Variants in EDEM2 observed in about 807,000 individuals in gnomAD.
EDEM2 encodes ER degradation enhancing alpha-mannosidase like protein 2.
A neutral mutation model predicts 64.8 loss-of-function variants in EDEM2; 39 were observed. The observed-to-expected ratio is 0.60, with a 90% CI of 0.47 to 0.79. The LOEUF (loss-of-function observed/expected upper bound fraction) is 0.79. Ranked by LOEUF, EDEM2 falls within the 30% of genes least tolerant of loss-of-function variation. The pLI, the probability that EDEM2 is intolerant of heterozygous loss-of-function variation, is 0.00. For synonymous variants in EDEM2, 296 were observed against 291.5 expected (o/e 1.02, Z -0.16); for missense variants, 609 against 731.3 (o/e 0.83, Z 1.93).
rs1281728890 is a variant in EDEM2 at position 35,115,423 on chromosome 20, T to C, written c.*10A>G. 1.0e-5 allele frequency: 16 copies of C among 1,587,742 alleles called. No individual in the cohort carries two copies. The highest frequency in any genetic ancestry group is 5.7e-5 in the South Asian group (5 of 87,134). The stretch of plus-strand genomic sequence containing the variant: ...CTCAAAAAAATAAAAATAAAAAAAT[T>C]ATCCAGTGGTTATGAGGAGTCTAGG... On this transcript the variant is annotated 3_prime_UTR_variant, in exon 11 of 11. Coordinates refer to ENST00000374492, the MANE Select transcript of EDEM2 (RefSeq NM_018217.3).
intron 9 of EDEM2, among the ~76,000 whole-genome samples, chr20:35,120,413 C>T (rs2085354197): frequency 6.6e-6 from 1 of 151,980 alleles, no homozygotes; most frequent in Non-Finnish European, 1.5e-5. Context: ...CCAGTTCTCT[C>T]TTACTTCCTC....
At chr20:35,141,253 T>G (rs1475032345) in intron 4 of EDEM2, among the ~76,000 whole-genome samples, 1 of 150,980 alleles carries the variant, frequency 6.6e-6, no homozygotes, top group Non-Finnish European at 1.5e-5. Flanking sequence ...TCAGAATGGA[T>G]AAACAAAATA....
intron 7 of EDEM2, 44 bp from the exon 8 acceptor site, chr20:35,126,419 G>A (rs541166756): frequency 2.4e-5 from 39 of 1,606,118 alleles, no homozygotes; most frequent in African/African-American, 4.0e-5. Context: ...AGTGATTAGG[G>A]AGAAAAAAGG....
At chr20:35,146,774 A>T (rs1381149655) in intron 2 of EDEM2, 51 bp downstream of exon 2, 2 of 1,589,190 alleles carry the variant, frequency 1.3e-6, no homozygotes, top group African/African-American at 2.7e-5. Flanking sequence ...CCGCCCGCCG[A>T]GGCCCAGAGA....
In EDEM2 at chr20:35,134,902, G is replaced by A; in HGVS notation, c.538C>T (p.His180Tyr). Residue 180 changes from histidine to tyrosine, a missense_variant, in exon 6 of 11, where the codon CAT becomes TAT. Coordinates refer to ENST00000374492, the MANE Select transcript of EDEM2 (RefSeq NM_018217.3). ...GGGGTCTCTCCTGGGTTCACGCCAT[G>A]AAGTAAGTTCACTGTTCCATATGGC... Reference protein sequence around the residue: ...GMPYGTVNLLHGVNPGETPVT... With the variant: ...GMPYGTVNLLYGVNPGETPVT... 2.5e-6 allele frequency: 4 copies of A among 1,614,206 alleles called. No individual in the cohort carries two copies. Among genetic ancestry groups the A allele is most frequent in the Middle Eastern group, 1.6e-4 (1 of 6,062 alleles).
chr20:35,134,422 C>T (rs1293620070), intron 6 of EDEM2, among the ~76,000 whole-genome samples: 2 of 152,032 alleles, frequency 1.3e-5, no homozygotes, highest in Non-Finnish European at 2.9e-5. Flanking sequence ...GAAGGCCGGA[C>T]GAGCTGATGA....
At position 35,123,882 on chromosome 20, in the gene EDEM2, C is replaced by T. The variant is rs1182723458; in HGVS notation, c.1114+8G>A. 2 of 1,612,986 alleles carry T rather than the reference C, an allele frequency of 1.2e-6. No individual in the cohort carries two copies. Among genetic ancestry groups the T allele is most frequent in the South Asian group, 1.1e-5 (1 of 90,994 alleles). On this transcript the variant is annotated splice_region_variant and intron_variant, in intron 9 of 10. Coordinates refer to ENST00000374492, the MANE Select transcript of EDEM2 (RefSeq NM_018217.3). Reference sequence around the variant, plus strand: ...GTGGGCAGATGACAAGCCAGAAATGCTGCTCACCTGGCCGAAGTGGGTAGC... The same window carrying T: ...GTGGGCAGATGACAAGCCAGAAATGTTGCTCACCTGGCCGAAGTGGGTAGC...
chr20:35,124,502 GA>G (rs1395112174), intron 8 of EDEM2, among the ~76,000 whole-genome samples: 2 of 152,140 alleles, frequency 1.3e-5, no homozygotes, highest in Non-Finnish European at 2.9e-5. Flanking sequence ...CTGGGCTCAA[GA>G]GATCCTCTCA....
intron 7 of EDEM2, among the ~76,000 whole-genome samples, chr20:35,130,904 T>C (rs1181484723): frequency 1.3e-5 from 2 of 152,176 alleles, no homozygotes; most frequent in Non-Finnish European, 2.9e-5. Flanking sequence ...ATAAGATGAG[T>C]AAGGCATGGA....
intron 2 of EDEM2, among the ~76,000 whole-genome samples, chr20:35,146,318 T>C (rs1317464128): frequency 6.6e-6 from 1 of 152,162 alleles, no homozygotes; most frequent in African/African-American, 2.4e-5. Flanking sequence ...ACAGGGATAA[T>C]GGCACCTAAC....
rs1186095496 is a variant in EDEM2 at position 35,126,395 on chromosome 20, A to T, written c.845-20T>A. 4 of 1,612,952 alleles carry T rather than the reference A, an allele frequency of 2.5e-6. No homozygotes were observed. The African/African-American group carries it at 4.0e-5, about 16-fold the overall frequency. On this transcript the variant is annotated intron_variant, in intron 7 of 10. Coordinates refer to ENST00000374492, the MANE Select transcript of EDEM2 (RefSeq NM_018217.3). The stretch of plus-strand genomic sequence containing the variant: ...TATACTCTGCAGTGGGGGAGATGGG[A>T]TAATGGACATATGAGTGATTAGGGA...
chr20:35,128,167 C>T (rs1044348890), intron 7 of EDEM2, among the ~76,000 whole-genome samples: 1 of 152,082 alleles, frequency 6.6e-6, no homozygotes, highest in South Asian at 2.1e-4. Context: ...GGGCGGATCA[C>T]GAGGTCAGTG....
Position 35,115,484 on chromosome 20 carries a change from G to A in EDEM2, c.1686C>T (p.Pro562=). Residue 562 remains proline (P), a synonymous_variant, in exon 11 of 11, where the codon CCC becomes CCT. Transcript: ENST00000374492. ...KVPLLSCPSQ[P]FTSKLALLGQ... ...CCAGTAATGCCAACTTGGAGGTGAA[G>A]GGCTGACTGGGGCAGCTGAGAAGTG... 2 of 1,614,038 alleles carry A rather than the reference G, an allele frequency of 1.2e-6. No individual in the cohort carries two copies. The highest frequency in any genetic ancestry group is 1.7e-5 in the Admixed American group (1 of 60,022).
intron 9 of EDEM2, among the ~76,000 whole-genome samples, chr20:35,119,753 C>A (rs1432634390): frequency 1.3e-5 from 2 of 152,056 alleles, no homozygotes; most frequent in African/African-American, 4.8e-5. Context: ...ATGAGCTCTA[C>A]CTTAAGATGA....
At chr20:35,127,429 A>C (rs1211116372) in intron 7 of EDEM2, among the ~76,000 whole-genome samples, 1 of 152,216 alleles carries the variant, frequency 6.6e-6, no homozygotes, top group Non-Finnish European at 1.5e-5. Context: ...CTTACATTCT[A>C]GTAGGAACTT....
chr20:35,122,237 A>G lies in EDEM2; in HGVS notation c.1114+1653T>C, dbSNP rs549166780. 4.6e-5 allele frequency among the ~76,000 whole-genome samples: 7 copies of G among 152,310 alleles called. No individual in the cohort carries two copies. The South Asian group carries it at 1.5e-3, about 32-fold the overall frequency. Reference sequence around the variant, plus strand: ...GACAGGGCCATATTAGGAAAATTCCAATTAGAACACCTCTCAGGTTCCCTC... The same window carrying G: ...GACAGGGCCATATTAGGAAAATTCCGATTAGAACACCTCTCAGGTTCCCTC... On this transcript the variant is annotated intron_variant, in intron 9 of 10. Transcript: ENST00000374492.
chr20:35,137,835 G>A, intron 5 of EDEM2, 45 bp downstream of exon 5: 14 of 1,600,346 alleles, frequency 8.7e-6, no homozygotes, highest in Non-Finnish European at 1.2e-5. Flanking sequence ...AGGGAAGCAG[G>A]ACCTACTGGA....
At chr20:35,133,469 C>CTT (rs113332647) in intron 6 of EDEM2, among the ~76,000 whole-genome samples, 1 of 142,634 alleles carries the variant, frequency 7.0e-6, no homozygotes, top group Non-Finnish European at 1.5e-5. Flanking sequence ...AGCGGGGCAC[C>CTT]TTTTTTTTTT....
chr20:35,131,106 C>T (rs575989522), intron 7 of EDEM2, among the ~76,000 whole-genome samples: 1 of 152,306 alleles, frequency 6.6e-6, no homozygotes, highest in South Asian at 2.1e-4. Flanking sequence ...AAGAAGATGC[C>T]ATGTGCAATG....
Sources: gnomAD v4.1 joint callset for allele counts (sites outside exome capture counted in the v4.1 genomes callset) on GRCh38, gnomAD v4.1.1 for gene constraint, MANE v1.5 for transcripts, NCBI Gene and HGNC (gene_info 2026-07-23, HGNC 2026-07-21) for gene names.